LAMP5: variants seen among roughly 807,000 people sequenced by gnomAD.
LAMP5 encodes lysosome associated membrane protein 5.
LAMP5 carries 36 observed loss-of-function variants against 30.2 expected under a neutral mutation model. The observed-to-expected ratio is 1.19, with a 90% CI of 0.91 to 1.57. The LOEUF (loss-of-function observed/expected upper bound fraction) is 1.57. Ranked by LOEUF, LAMP5 falls within the 40% of genes most tolerant of loss-of-function variation. The pLI is 0.00. For missense variants in LAMP5, 377 were observed against 354.9 expected, an observed-to-expected ratio of 1.06 and a Z score of -0.50; for synonymous variants, 149 against 134.6, an observed-to-expected ratio of 1.11 and a Z score of -0.74.
intron 5 of LAMP5, among the ~76,000 whole-genome samples, chr20:9,527,680 C>A (rs2045123385): frequency 1.3e-5 from 2 of 152,142 alleles, no homozygotes; most frequent in African/African-American, 4.8e-5. Flanking sequence ...AAAAGGCCAC[C>A]AGTTACCCAC....
chr20:9,526,765 C>T (rs1486906488), intron 5 of LAMP5, among the ~76,000 whole-genome samples: 2 of 148,082 alleles, frequency 1.4e-5, no homozygotes, highest in African/African-American at 4.9e-5. Context: ...CTACCATTTG[C>T]CAAACTATCT....
chr20:9,516,008 A>G lies in LAMP5; in HGVS notation c.246A>G (p.Thr82=). 6.6e-7 allele frequency: 1 copy of G among 1,513,916 alleles called. No homozygotes were observed. The highest frequency in any genetic ancestry group is 8.8e-7 in the Non-Finnish European group (1 of 1,134,428). 93.8% of individuals were successfully genotyped at this position (1,513,916 alleles called of 1,614,324 possible). A position where few individuals can be genotyped will look rare whatever the true frequency, so the allele number is the denominator to read the frequency against. Reference sequence around the variant, plus strand: ...GGCGTCTGTGTTCCCAGCTGATCACAGAACAGGCCGATATCGCATTGACCC... The same window carrying G: ...GGCGTCTGTGTTCCCAGCTGATCACGGAACAGGCCGATATCGCATTGACCC... ...VWASNYVDLI[T]EQADIALTRG... The change falls in exon 3 of 6, where the codon ACA becomes ACG. Residue 82 remains threonine (T), a synonymous_variant. Coordinates refer to ENST00000246070, the MANE Select transcript of LAMP5 (RefSeq NM_012261.4).
Position 9,518,052 on chromosome 20 carries a change from C to T in LAMP5, c.488C>T (p.Thr163Ile), listed in dbSNP as rs747261412. The change falls in exon 5 of 6, where the codon ACA (threonine) becomes ATA (isoleucine). Residue 163 changes from threonine to isoleucine, a missense_variant. Thr to Ile is a moderately conservative substitution (Grantham distance 89, BLOSUM62 -1). Coordinates refer to ENST00000246070, the MANE Select transcript of LAMP5 (RefSeq NM_012261.4). ...FKDAVSAGKH[T>I]ANSHHLSALV... The stretch of plus-strand genomic sequence containing the variant: ...GCTCTTGCTGTAGCTGGGAAGCACA[C>T]AGCCAACTCGCACCACCTCTCTGCC... 6.2e-7 allele frequency: 1 copy of T among 1,613,562 alleles called. No individual in the cohort carries two copies. Among genetic ancestry groups the T allele is most frequent in the Non-Finnish European group, 8.5e-7 (1 of 1,179,964 alleles).
At position 9,529,791 on chromosome 20, in the gene LAMP5, G is replaced by T. The variant is rs781664839; in HGVS notation, c.814G>T (p.Asp272Tyr). ...MTANQVQIPR[D>Y]RSQYKHMG The stretch of plus-strand genomic sequence containing the variant: ...TGCCAACCAGGTGCAGATCCCTCGG[G>T]ACAGATCCCAGTATAAGCACATGGG... The change falls in exon 6 of 6, where the codon GAC (aspartate) becomes TAC (tyrosine). Residue 272 changes from aspartate (D) to tyrosine (Y), a missense_variant. Physicochemically the swap from Asp to Tyr is radical, Grantham distance 160. Transcript: ENST00000246070. 2.2e-5 allele frequency: 35 copies of T among 1,614,066 alleles called. No homozygotes were observed. Among genetic ancestry groups the T allele is most frequent in the Non-Finnish European group, 1.9e-5 (22 of 1,180,026 alleles).
At chr20:9,524,474 G>GTT (rs202207899) in intron 5 of LAMP5, among the ~76,000 whole-genome samples, 42 of 139,254 alleles carry the variant, frequency 3.0e-4, no homozygotes, top group Middle Eastern at 3.9e-3. Context: ...GTAAAATATT[G>GTT]TTTTTTTTTT....
At position 9,526,897 on chromosome 20, in the gene LAMP5, T is replaced by C. The variant is rs1396926278; in HGVS notation, c.665-2745T>C. 5.8e-3 allele frequency among the ~76,000 whole-genome samples: 732 copies of C among 126,352 alleles called. 14 individuals are homozygous for C. The highest frequency in any genetic ancestry group is 0.023 in the African/African-American group (706 of 30,852). 82.9% of individuals were successfully genotyped at this position (126,352 alleles called of 152,430 possible). Reference sequence around the variant, plus strand: ...ATATATATATATATATATATATATATATATACACACACATACAAAACAGTT... The same window carrying C: ...ATATATATATATATATATATATATACATATACACACACATACAAAACAGTT... On this transcript the variant is annotated intron_variant, in intron 5 of 5. Coordinates refer to ENST00000246070, the MANE Select transcript of LAMP5 (RefSeq NM_012261.4).
rs537843397 is a variant in LAMP5, at chr20:9,522,065, C to T, written c.664+3837C>T. 2.6e-5 allele frequency among the ~76,000 whole-genome samples: 4 copies of T among 152,312 alleles called. No individual in the cohort carries two copies. In the South Asian group the frequency reaches 6.2e-4, roughly 24 times the overall value. ...GGGAGGTGAAGCGAATTGGTGAAGG[C>T]TTCCCTCCTAGAACCTGTCTTTGGG... On this transcript the variant is annotated intron_variant, in intron 5 of 5. Coordinates refer to ENST00000246070, the MANE Select transcript of LAMP5 (RefSeq NM_012261.4).
rs2232257 is a variant in LAMP5, at chr20:9,514,650, C to T, written c.-203C>T. On this transcript the variant is annotated 5_prime_UTR_variant, in exon 1 of 6. Transcript: ENST00000246070. ...TGCGGTCCTTTCCTCCGCAGTGAGC[C>T]GATTTGCTCTGCCAGCAGCTGTCGG... 95,515 of 540,950 alleles carry T rather than the reference C, an allele frequency of 0.18. 11,220 individuals are homozygous for T. Among genetic ancestry groups the T allele is most frequent in the African/African-American group, 0.32 (16,640 of 51,462 alleles). 33.5% of individuals were successfully genotyped at this position (540,950 alleles called of 1,614,324 possible).
At chr20:9,522,977 T>C (rs1377437383) in intron 5 of LAMP5, among the ~76,000 whole-genome samples, 10 of 143,648 alleles carry the variant, frequency 7.0e-5, no homozygotes, top group Non-Finnish European at 1.2e-4. Context: ...TAAATCTTTT[T>C]TTTTTTTTTT....
intron 5 of LAMP5, among the ~76,000 whole-genome samples, chr20:9,519,701 A>G (rs1443946535): frequency 1.3e-5 from 2 of 152,218 alleles, no homozygotes; most frequent in East Asian, 3.8e-4. Flanking sequence ...AAATAATTGG[A>G]CTATGTAATG....
intron 2 of LAMP5, 51 bp downstream of exon 2, chr20:9,515,676 G>A: frequency 1.3e-6 from 2 of 1,588,360 alleles, no homozygotes; most frequent in Non-Finnish European, 1.7e-6. Flanking sequence ...CCAGGGCGAA[G>A]GGCACCCTTC....
intron 5 of LAMP5, among the ~76,000 whole-genome samples, chr20:9,527,506 C>G (rs533728559): frequency 3.2e-4 from 49 of 152,182 alleles, no homozygotes; most frequent in South Asian, 1.5e-3. Flanking sequence ...TGATCTCAGG[C>G]AAGGTGAGAG....
At chr20:9,524,599 A>T (rs79662069) in intron 5 of LAMP5, among the ~76,000 whole-genome samples, 2 of 139,082 alleles carry the variant, frequency 1.4e-5, no homozygotes, top group African/African-American at 5.8e-5. Flanking sequence ...TCGAACTAAA[A>T]AAAAAAAAAA....
intron 5 of LAMP5, 60 bp downstream of exon 5, chr20:9,518,288 G>C: frequency 6.7e-7 from 1 of 1,499,384 alleles, no homozygotes; most frequent in Non-Finnish European, 9.2e-7. Flanking sequence ...GGATGAGAGA[G>C]GGACCTACCA....
intron 1 of LAMP5, 46 bp from the exon 2 acceptor site, chr20:9,515,407 G>A: frequency 1.3e-6 from 2 of 1,570,774 alleles, no homozygotes; most frequent in East Asian, 2.2e-5. Flanking sequence ...CCCGAGACGC[G>A]TGGGCTGAGC....
rs1444697988 is a variant in LAMP5 at position 9,528,904 on chromosome 20, ACC to A, written c.665-736_665-735del. On this transcript the variant is annotated intron_variant, in intron 5 of 5. Coordinates refer to ENST00000246070, the MANE Select transcript of LAMP5 (RefSeq NM_012261.4). ...TGTCAGCATAATATTTCTGAGATGC[ACC>A]CATTTTGTTATGTGTAGCCATAGTA... Among the ~76,000 whole-genome samples the A allele has an allele frequency of 4.9e-4, 74 of 152,308 alleles. 2 individuals carry two copies. The highest frequency in any genetic ancestry group is 1.6e-3 in the African/African-American group (66 of 41,572).
intron 5 of LAMP5, among the ~76,000 whole-genome samples, chr20:9,519,676 A>G (rs768500648): frequency 6.6e-6 from 1 of 152,258 alleles, no homozygotes; most frequent in Non-Finnish European, 1.5e-5. Context: ...ATTGATGACA[A>G]GGAATTTATT....
At position 9,516,059 on chromosome 20, in the gene LAMP5, T is replaced by C; in HGVS notation, c.297T>C (p.Cys99=). ...GGGGAGCTGAGGTGAAGGGCCGCTG[T>C]GGCCACAGCCAGTCGGAGCTGCAAG... The part of the protein sequence containing the change: ...LTRGAEVKGR[C]GHSQSELQVF... The change falls in exon 3 of 6, where the codon TGT becomes TGC. Residue 99 remains cysteine, a synonymous_variant. Transcript: ENST00000246070. The C allele has an allele frequency of 6.5e-7, 1 of 1,543,248 alleles. No individual in the cohort carries two copies. Among genetic ancestry groups the C allele is most frequent in the Non-Finnish European group, 8.7e-7 (1 of 1,151,674 alleles).
At position 9,529,644 on chromosome 20, in the gene LAMP5, C is replaced by T. The variant is rs763008784; in HGVS notation, c.667C>T (p.His223Tyr). 2.5e-6 allele frequency: 4 copies of T among 1,613,914 alleles called. No individual in the cohort carries two copies. Among genetic ancestry groups the T allele is most frequent in the Non-Finnish European group, 3.4e-6 (4 of 1,179,834 alleles). The change falls in exon 6 of 6, where the codon CAT becomes TAT. Residue 223 changes from histidine (H) to tyrosine (Y), a missense_variant and splice_region_variant. His to Tyr is a moderately conservative substitution (Grantham distance 83, BLOSUM62 2). Transcript: ENST00000246070. ...GCTTTTCTTCTTTCCCATTGCAGAG[C>T]ATAAATGCCCAGTGGATGAGCGGGA... ...IISDFVFSEE[H>Y]KCPVDEREQL...
Sources: allele counts gnomAD v4.1 joint callset (sites outside exome capture counted in the v4.1 genomes callset), GRCh38; gene constraint gnomAD v4.1.1; transcripts MANE v1.5; gene names NCBI Gene and HGNC (gene_info 2026-07-23, HGNC 2026-07-21).